The following COL4A4 variants were observed in gnomAD, a reference collection of about 807,000 sequenced individuals.
The protein encoded by COL4A4 is collagen type IV alpha 4 chain, also known as collagen alpha-4(IV) chain.
Under a neutral mutation model 192.9 loss-of-function variants are expected in COL4A4, and 105 were observed. The ratio of observed to expected loss-of-function variants is 0.54; its 90% CI spans 0.46 to 0.64. The LOEUF (loss-of-function observed/expected upper bound fraction) is 0.64. Among genes scored for constraint, COL4A4 ranks in the 30% least tolerant of loss-of-function variants. COL4A4 has a pLI of 0.00. For synonymous variants in COL4A4, 762 were observed against 769.9 expected, an observed-to-expected ratio of 0.99 and a Z score of 0.17; for missense variants, 1,967 against 2,169.3, an observed-to-expected ratio of 0.91 and a Z score of 1.85.
intron 25 of COL4A4, among the ~76,000 whole-genome samples, chr2:227,071,078 G>C (rs1304668997): frequency 6.6e-6 from 1 of 152,032 alleles, no homozygotes; most frequent in African/African-American, 2.4e-5. Context: ...TTCATGTTGA[G>C]TGTAAATGCT....
chr2:227,001,107 T>C (rs1032620248), downstream of COL4A4, among the ~76,000 whole-genome samples: 1 of 151,820 alleles, frequency 6.6e-6, no homozygotes, highest in African/African-American at 2.4e-5. Flanking sequence ...TTTCTTTTTT[T>C]TTTTTGAGAC....
intron 20 of COL4A4, among the ~76,000 whole-genome samples, chr2:227,091,715 G>A (rs1349001257): frequency 2.0e-5 from 3 of 152,020 alleles, no homozygotes; most frequent in Non-Finnish European, 4.4e-5. Flanking sequence ...CCAACATGGT[G>A]AAACCCTGTC....
intron 23 of COL4A4, 62 bp downstream of exon 23, chr2:227,082,053 A>C: frequency 7.4e-7 from 1 of 1,344,246 alleles, no homozygotes; most frequent in South Asian, 1.2e-5. Context: ...AAATTACTGC[A>C]AGAGGAGGGT....
intron 1 of COL4A4, among the ~76,000 whole-genome samples, chr2:227,157,500 A>G (rs1314960654): frequency 2.6e-5 from 4 of 152,058 alleles, no homozygotes; most frequent in Non-Finnish European, 5.9e-5. Context: ...AATGAAACCC[A>G]ACATTAGTAG....
intron 4 of COL4A4, 134 bp from the exon 5 acceptor site, chr2:227,121,282 C>T (rs1367403190): frequency 1.9e-6 from 2 of 1,054,028 alleles, no homozygotes. Context: ...AAACAAATGG[C>T]TGGAGATGGT....
intron 25 of COL4A4, among the ~76,000 whole-genome samples, chr2:227,077,503 G>A (rs559603746): frequency 6.6e-6 from 1 of 152,184 alleles, no homozygotes; most frequent in African/African-American, 2.4e-5. Context: ...AGGGGGTCAG[G>A]GGTAAGGGGA....
At chr2:227,032,330 A>T in intron 38 of COL4A4, 54 bp from the exon 39 acceptor site, 1 of 1,561,650 alleles carries the variant, frequency 6.4e-7, no homozygotes, top group Non-Finnish European at 8.7e-7. Context: ...TGTCCCTGTT[A>T]TAGTGCCTGA....
At chr2:226,996,332 A>G in the COL4A4 span, 1 of 152,250 alleles carries the variant, frequency 6.6e-6, no homozygotes, top group Admixed American at 6.5e-5. Flanking sequence ...ATCGGTCACT[A>G]GAGATCTATC....
the COL4A4 span, among the ~76,000 whole-genome samples, chr2:226,970,590 A>G: frequency 6.6e-6 from 1 of 152,348 alleles, no homozygotes; most frequent in African/African-American, 2.4e-5. Context: ...CTGCTCAGGC[A>G]GCAGGTGTGT....
intron 35 of COL4A4, among the ~76,000 whole-genome samples, chr2:227,045,801 C>CATAT (rs771258452): frequency 3.9e-5 from 2 of 51,650 alleles, no homozygotes; most frequent in East Asian, 8.6e-4. Context: ...TATATATACA[C>CATAT]ATATATATAT....
intron 31 of COL4A4, 103 bp from the exon 32 acceptor site, chr2:227,052,515 T>C: frequency 1.3e-6 from 1 of 743,570 alleles, no homozygotes; most frequent in East Asian, 2.6e-5. Flanking sequence ...CCACTTAACC[T>C]ACGAAGCTCT....
chr2:226,990,267 GCTTTGCAGTT>G, the COL4A4 span, among the ~76,000 whole-genome samples: 1 of 152,136 alleles, frequency 6.6e-6, no homozygotes, highest in Non-Finnish European at 1.5e-5. Context: ...CATTTTGGGA[GCTTTGCAGTT>G]CATGGAATGC....
At chr2:227,102,528 T>C (rs539604433) in intron 15 of COL4A4, among the ~76,000 whole-genome samples, 2 of 152,330 alleles carry the variant, frequency 1.3e-5, no homozygotes, top group East Asian at 3.9e-4. Context: ...CTACTGGCAC[T>C]GAGGTGCCAG....
At chr2:226,969,394 C>CTTTTTTTTT in the COL4A4 span, among the ~76,000 whole-genome samples, 3 of 115,526 alleles carry the variant, frequency 2.6e-5, no homozygotes, top group Non-Finnish European at 3.4e-5. Flanking sequence ...ACAGCTCAGC[C>CTTTTTTTTT]TTTTTTTTTT....
intron 37 of COL4A4, among the ~76,000 whole-genome samples, chr2:227,035,918 C>T (rs767346510): frequency 1.3e-5 from 2 of 152,084 alleles, no homozygotes; most frequent in Non-Finnish European, 2.9e-5. Flanking sequence ...TTGAACTGGC[C>T]GACCCTTATC....
chr2:227,045,921 G>T (rs1158697788), intron 35 of COL4A4, among the ~76,000 whole-genome samples: 7 of 61,678 alleles, frequency 1.1e-4, no homozygotes, highest in Non-Finnish European at 1.5e-4. Flanking sequence ...GTATGTATAT[G>T]TATATGTATA....
intron 40 of COL4A4, among the ~76,000 whole-genome samples, chr2:227,031,473 G>A (rs116629191): frequency 0.014 from 2,056 of 152,222 alleles, 52 homozygotes; most frequent in African/African-American, 0.046. Context: ...GTTTGTCCCT[G>A]TGAAGTGATG....
intron 35 of COL4A4, among the ~76,000 whole-genome samples, chr2:227,043,762 A>G (rs1007867663): frequency 1.2e-4 from 19 of 152,228 alleles, no homozygotes; most frequent in African/African-American, 4.6e-4. Context: ...CCGTAGTGTA[A>G]TTCCATCCCT....
chr2:227,023,489 A>AT (rs1559433646), intron 43 of COL4A4, among the ~76,000 whole-genome samples: 1 of 152,136 alleles, frequency 6.6e-6, no homozygotes, highest in East Asian at 1.9e-4. Context: ...AAGATGTGAG[A>AT]TTTTTTTCTT....
Sources: allele counts gnomAD v4.1 joint callset (sites outside exome capture counted in the v4.1 genomes callset), GRCh38; gene constraint gnomAD v4.1.1; transcripts MANE v1.5; gene names NCBI Gene and HGNC (gene_info 2026-07-23, HGNC 2026-07-21).